The following DPYD variants were observed in gnomAD, a reference collection of about 807,000 sequenced individuals.
DPYD encodes dihydropyrimidine dehydrogenase [NADP(+)].
A neutral mutation model predicts 116.2 loss-of-function variants in DPYD; 109 were observed. The ratio of observed to expected loss-of-function variants is 0.94; its 90% CI spans 0.80 to 1.10. DPYD has a LOEUF of 1.10. Among genes scored for constraint, DPYD ranks in the 50% least tolerant of loss-of-function variants. The pLI is 0.00. For missense variants in DPYD, 1,302 were observed against 1,254.5 expected (o/e 1.04, Z -0.57); for synonymous variants, 440 against 432.0 (o/e 1.02, Z -0.23).
chr1:97,141,501 T>C (rs1654220316), intron 20 of DPYD, among the ~76,000 whole-genome samples: 1 of 152,144 alleles, frequency 6.6e-6, no homozygotes, highest in Non-Finnish European at 1.5e-5. Context: ...ATTTTGCTCA[T>C]ATGAGACTTT....
chr1:97,142,814 T>TC (rs1234326056), intron 20 of DPYD, among the ~76,000 whole-genome samples: 1 of 152,130 alleles, frequency 6.6e-6, no homozygotes, highest in East Asian at 1.9e-4. Flanking sequence ...ATTTGGTTCT[T>TC]CTAAGATTTT....
chr1:97,907,246 G>A (rs1673681966), intron 1 of DPYD, among the ~76,000 whole-genome samples: 1 of 152,086 alleles, frequency 6.6e-6, no homozygotes, highest in African/African-American at 2.4e-5. Flanking sequence ...GGATGAAGGG[G>A]AACTGCTGTG....
chr1:97,599,860 C>CAAAAAAAAA (rs56940277), intron 8 of DPYD, among the ~76,000 whole-genome samples: 1 of 36,504 alleles, frequency 2.7e-5, no homozygotes, highest in Non-Finnish European at 4.7e-5. Flanking sequence ...CCCATCTCCA[C>CAAAAAAAAA]AAAAAAAAAA....
intron 19 of DPYD, among the ~76,000 whole-genome samples, chr1:97,233,604 G>A (rs974800113): frequency 9.2e-5 from 14 of 152,152 alleles, no homozygotes; most frequent in Non-Finnish European, 1.9e-4. Context: ...TTGCTAGACT[G>A]CCCCTTTCCT....
In DPYD at chr1:97,836,485, T is replaced by A. The variant is rs1020745311; in HGVS notation, c.151-8289A>T. Among the ~76,000 whole-genome samples, 7 of 152,256 alleles carry A rather than the reference T, an allele frequency of 4.6e-5. 1 individual carries two copies. In the Middle Eastern group the frequency reaches 0.017, roughly 370 times the overall value. Reference sequence around the variant, plus strand: ...TGTACTGTAATAACACCACCCAGTGTGTGTAAGATTAAAGTTAGACACCAG... The same window carrying A: ...TGTACTGTAATAACACCACCCAGTGAGTGTAAGATTAAAGTTAGACACCAG... On this transcript the variant is annotated intron_variant, in intron 2 of 22. Coordinates refer to ENST00000370192, the MANE Select transcript of DPYD (RefSeq NM_000110.4).
At chr1:97,822,506 G>A (rs894525976) in intron 3 of DPYD, among the ~76,000 whole-genome samples, 4 of 150,992 alleles carry the variant, frequency 2.6e-5, no homozygotes, top group African/African-American at 9.7e-5. Context: ...AATTTGTTCA[G>A]GGTTATATTC....
At chr1:97,516,973 C>A (rs1648279152) in intron 12 of DPYD, among the ~76,000 whole-genome samples, 1 of 152,080 alleles carries the variant, frequency 6.6e-6, no homozygotes, top group Non-Finnish European at 1.5e-5. Context: ...TGAATCATCA[C>A]TCAAAAGAAA....
At chr1:97,471,549 G>A (rs1199477298) in intron 13 of DPYD, among the ~76,000 whole-genome samples, 1 of 149,856 alleles carries the variant, frequency 6.7e-6, no homozygotes, top group Non-Finnish European at 1.5e-5. Flanking sequence ...ACAGAAATGA[G>A]TATTTTCACA....
intron 18 of DPYD, among the ~76,000 whole-genome samples, chr1:97,288,653 A>G (rs1181491082): frequency 6.9e-6 from 1 of 144,272 alleles, no homozygotes; most frequent in Non-Finnish European, 1.5e-5. Flanking sequence ...ACAAAGACAC[A>G]ACATACCAGA....
chr1:97,273,088 T>C (rs1257286867), intron 18 of DPYD, among the ~76,000 whole-genome samples: 1 of 152,156 alleles, frequency 6.6e-6, no homozygotes, highest in Non-Finnish European at 1.5e-5. Context: ...AAATGTGGGA[T>C]GTTTCCTTTC....
Position 97,858,288 on chromosome 1 carries a change from T to C in DPYD, c.150+24976A>G, listed in dbSNP as rs144783886. 1.5e-3 allele frequency among the ~76,000 whole-genome samples: 229 copies of C among 152,266 alleles called. 2 individuals are homozygous for C. Among genetic ancestry groups the C allele is most frequent in the Non-Finnish European group, 1.8e-3 (124 of 68,012 alleles). ...CTAAATTGCTTCAATCTTATTTGAT[T>C]TGTAGGCCACGAATTCAAGTGTTTT... is the stretch of plus-strand genomic sequence containing the variant. On this transcript the variant is annotated intron_variant, in intron 2 of 22. Coordinates refer to ENST00000370192, the MANE Select transcript of DPYD (RefSeq NM_000110.4).
At chr1:97,131,564 A>G (rs1222003138) in intron 20 of DPYD, among the ~76,000 whole-genome samples, 1 of 152,182 alleles carries the variant, frequency 6.6e-6, no homozygotes, top group Non-Finnish European at 1.5e-5. Context: ...CAACTGAAAT[A>G]CACTGAGAAG....
Position 97,208,703 on chromosome 1 carries a change from G to T in DPYD, c.2443-15455C>A, listed in dbSNP as rs143919730. Among the ~76,000 whole-genome samples the T allele has an allele frequency of 1.3e-3, 200 of 152,072 alleles. 1 individual carries two copies. The highest frequency in any genetic ancestry group is 4.7e-3 in the African/African-American group (194 of 41,512). ...TGTTAATTTATGGACTAATCTTCCG[G>T]TTTCTTTTCACATTCAATTATCAAA... is the stretch of plus-strand genomic sequence containing the variant. On this transcript the variant is annotated intron_variant, in intron 19 of 22. Coordinates refer to ENST00000370192, the MANE Select transcript of DPYD (RefSeq NM_000110.4).
At chr1:97,858,847 A>G (rs1177078890) in intron 2 of DPYD, among the ~76,000 whole-genome samples, 1 of 152,112 alleles carries the variant, frequency 6.6e-6, no homozygotes, top group African/African-American at 2.4e-5. Context: ...ATATACATGA[A>G]ATCTTTAATC....
intron 1 of DPYD, among the ~76,000 whole-genome samples, chr1:97,911,878 ACAACCTGAGGTC>A (rs1673956409): frequency 6.6e-6 from 1 of 152,118 alleles, no homozygotes; most frequent in Non-Finnish European, 1.5e-5. Context: ...ATCCAAGATA[ACAACCTGAGGTC>A]CAACCTTACT....
chr1:97,810,286 C>CCAAAAAAA (rs1668288864), intron 3 of DPYD, among the ~76,000 whole-genome samples: 1 of 73,616 alleles, frequency 1.4e-5, no homozygotes, highest in African/African-American at 5.8e-5. Context: ...GACTCCATCT[C>CCAAAAAAA]AAAAAAAAAA....
At chr1:97,118,981 A>C (rs1437857031) in intron 20 of DPYD, among the ~76,000 whole-genome samples, 2 of 152,188 alleles carry the variant, frequency 1.3e-5, no homozygotes, top group Admixed American at 6.5e-5. Flanking sequence ...ATATTTAGTG[A>C]CAACGGGAGA....
chr1:97,782,862 T>C (rs11165909), intron 3 of DPYD, among the ~76,000 whole-genome samples: 152,221 of 152,240 alleles, frequency 1, 76,101 homozygotes, highest in Non-Finnish European at 1. Context: ...GAAAGTATTC[T>C]CTGGATATCA....
intron 14 of DPYD, among the ~76,000 whole-genome samples, chr1:97,398,250 T>C (rs929528356): frequency 2.6e-5 from 4 of 152,138 alleles, no homozygotes; most frequent in African/African-American, 9.7e-5. Flanking sequence ...TCCAGCTTCA[T>C]CCATGTCCCT....
Sources: allele counts gnomAD v4.1 joint callset (sites outside exome capture counted in the v4.1 genomes callset), GRCh38; gene constraint gnomAD v4.1.1; transcripts MANE v1.5; gene names NCBI Gene and HGNC (gene_info 2026-07-23, HGNC 2026-07-21).